PCDHGA11: variants seen among roughly 807,000 people sequenced by gnomAD.
PCDHGA11 encodes protocadherin gamma subfamily A, 11.
In PCDHGA11, 39 loss-of-function variants were observed where a neutral mutation model predicts 60.4. That is an observed-to-expected ratio of 0.65 (90% CI 0.50 to 0.84). PCDHGA11 has a LOEUF of 0.84. Among genes scored for constraint, PCDHGA11 ranks in the 40% least tolerant of loss-of-function variants. The pLI, the probability that PCDHGA11 is intolerant of heterozygous loss-of-function variation, is 0.00. For missense variants in PCDHGA11, 1,165 were observed against 1,197.7 expected (o/e 0.97, Z 0.40); for synonymous variants, 533 against 510.3 (o/e 1.04, Z -0.60).
Position 141,486,998 on chromosome 5 carries a change from C to T in PCDHGA11, c.2434-7809C>T. 1.2e-6 allele frequency: 2 copies of T among 1,614,206 alleles called. No individual in the cohort carries two copies. Among genetic ancestry groups the T allele is most frequent in the Non-Finnish European group, 1.7e-6 (2 of 1,180,034 alleles). On this transcript the variant is annotated intron_variant, in intron 1 of 3. Transcript: ENST00000398587. The surrounding 1 kb of genome is among the most constrained non-coding windows in gnomAD (Gnocchi z 5.0). The stretch of plus-strand genomic sequence containing the variant: ...AGGTTACAATGCTTGGGTTTCCTAT[C>T]AGCTCCTGGAGGCCCCAGATCCCAG...
chr5:141,489,491 T>C lies in PCDHGA11; in HGVS notation c.2434-5316T>C. On this transcript the variant is annotated intron_variant, in intron 1 of 3. Transcript: ENST00000398587. This position sits in a 1 kb window ranked among gnomAD's most constrained non-coding sequence, Gnocchi z 4.5. ...TCCCTGAGCTTGATGAGTGGTGCCC[T>C]GGCAGTGAATCAAAAGATTGACCGA... The C allele has an allele frequency of 6.2e-7, 1 of 1,614,066 alleles. No individual in the cohort carries two copies. The highest frequency in any genetic ancestry group is 8.5e-7 in the Non-Finnish European group (1 of 1,180,024).
At chr5:141,468,425 T>TA (rs2099167168) in intron 1 of PCDHGA11, 1 of 151,612 alleles carries the variant, frequency 6.6e-6, no homozygotes, top group Non-Finnish European at 1.5e-5. Context: ...GATAGCAAGG[T>TA]AATAGCAAAA....
At position 141,491,423 on chromosome 5, in the gene PCDHGA11, G is replaced by A; in HGVS notation, c.2434-3384G>A. The A allele has an allele frequency of 3.1e-6, 5 of 1,614,126 alleles. No homozygotes were observed. Among genetic ancestry groups the A allele is most frequent in the Non-Finnish European group, 4.2e-6 (5 of 1,180,036 alleles). ...AACGCAGACGGGGACGGGGGTGGAGGGCAGTGCTGCAGGCGCCAGGACTCA... is the reference window on the plus strand; with the variant it reads ...AACGCAGACGGGGACGGGGGTGGAGAGCAGTGCTGCAGGCGCCAGGACTCA... On this transcript the variant is annotated intron_variant, in intron 1 of 3. Transcript: ENST00000398587. The surrounding 1 kb of genome is among the most constrained non-coding windows in gnomAD (Gnocchi z 6.9).
chr5:141,490,736 A>G lies in PCDHGA11; in HGVS notation c.2434-4071A>G, dbSNP rs747567176. The G allele has an allele frequency of 5.0e-6, 8 of 1,614,084 alleles. No individual in the cohort carries two copies. Among genetic ancestry groups the G allele is most frequent in the Non-Finnish European group, 6.8e-6 (8 of 1,180,034 alleles). On this transcript the variant is annotated intron_variant, in intron 1 of 3. Transcript: ENST00000398587. This position sits in a 1 kb window ranked among gnomAD's most constrained non-coding sequence, Gnocchi z 5.4. The stretch of plus-strand genomic sequence containing the variant: ...TACTCCATTGTAGGAAATCAGGTTC[A>G]GGGAGCCCCAGCCTCCTCCTTTGTG...
chr5:141,426,865 T>G (rs2096965950), intron 1 of PCDHGA11: 1 of 456,600 alleles, frequency 2.2e-6, no homozygotes, highest in African/African-American at 2.0e-5. Flanking sequence ...GAATTAGTGC[T>G]GGAGAAGCCC....
At chr5:141,424,092 C>G (rs1160250641) in intron 1 of PCDHGA11, 2 of 879,256 alleles carry the variant, frequency 2.3e-6, no homozygotes, top group Non-Finnish European at 2.8e-6. Context: ...CCATTATTTG[C>G]TATTACTGCT....
At chr5:141,459,149 T>C (rs2098961903) in intron 1 of PCDHGA11, among the ~76,000 whole-genome samples, 1 of 152,234 alleles carries the variant, frequency 6.6e-6, no homozygotes, top group Non-Finnish European at 1.5e-5. Context: ...AATCAAAATA[T>C]AGAACATTTC....
intron 1 of PCDHGA11, chr5:141,427,017 TAC>T (rs764268354): frequency 2.2e-5 from 10 of 456,792 alleles, no homozygotes; most frequent in South Asian, 1.4e-4. Context: ...CCAGGATGTA[TAC>T]AAAGTCAGCC....
At chr5:141,475,983 C>T in intron 1 of PCDHGA11, 2 of 1,049,240 alleles carry the variant, frequency 1.9e-6, no homozygotes, top group Non-Finnish European at 2.8e-6. Context: ...GAACAGCCGG[C>T]GAGCAAATCA....
rs771340929 is a variant in PCDHGA11, at chr5:141,423,296, T to G, written c.2069T>G (p.Leu690Arg). Residue 690 changes from leucine to arginine, a missense_variant, in exon 1 of 4, where the codon CTC becomes CGC. By Grantham distance (102) the Leu-to-Arg change is moderately radical. Transcript: ENST00000398587. ...ESLANSETSDLSLYLVVAVAA... is the reference protein window; with the variant it reads ...ESLANSETSDRSLYLVVAVAA... Reference sequence around the variant, plus strand: ...CTGGCTAACTCTGAAACCTCAGACCTCTCGCTGTACTTGGTGGTGGCGGTG... The same window carrying G: ...CTGGCTAACTCTGAAACCTCAGACCGCTCGCTGTACTTGGTGGTGGCGGTG... 1 of 1,614,124 alleles carries G rather than the reference T, an allele frequency of 6.2e-7. No individual in the cohort carries two copies. Among genetic ancestry groups the G allele is most frequent in the Non-Finnish European group, 8.5e-7 (1 of 1,180,018 alleles).
rs188338684 is a variant in PCDHGA11, at chr5:141,431,953, C to T, written c.2433+8293C>T. ...TGCCCTTTAAATTAGAAAAATCTTA[C>T]GGAAATTACTATAGTTTAGTCACAG... On this transcript the variant is annotated intron_variant, in intron 1 of 3. Transcript: ENST00000398587. The surrounding 1 kb of genome is among the most constrained non-coding windows in gnomAD (Gnocchi z 4.8). 2.4e-5 allele frequency: 38 copies of T among 1,614,082 alleles called. No homozygotes were observed. In the East Asian group the frequency reaches 7.6e-4, roughly 32 times the overall value.
intron 2 of PCDHGA11, among the ~76,000 whole-genome samples, chr5:141,496,334 G>T (rs959266723): frequency 2.6e-5 from 4 of 152,240 alleles, no homozygotes; most frequent in Admixed American, 6.5e-5. Context: ...GAAGTCAGGA[G>T]CCTGGAGGAG....
intron 3 of PCDHGA11, 133 bp downstream of exon 3, chr5:141,505,614 AC>A: frequency 6.6e-7 from 1 of 1,510,758 alleles, no homozygotes; most frequent in Non-Finnish European, 8.9e-7. Flanking sequence ...GTCTGAAAGG[AC>A]CCACAATTCC....
At position 141,476,752 on chromosome 5, in the gene PCDHGA11, A is replaced by C. The variant is rs771355583; in HGVS notation, c.2434-18055A>C. The C allele has an allele frequency of 6.2e-7, 1 of 1,613,926 alleles. No homozygotes were observed. The highest frequency in any genetic ancestry group is 1.1e-5 in the South Asian group (1 of 91,080). Reference sequence around the variant, plus strand: ...GAGAACGGGAGCCTAGTCTCCAGTTAGTGCTGACGGCGTTGGACGGAGGGA... The same window carrying C: ...GAGAACGGGAGCCTAGTCTCCAGTTCGTGCTGACGGCGTTGGACGGAGGGA... On this transcript the variant is annotated intron_variant, in intron 1 of 3. Transcript: ENST00000398587. The surrounding 1 kb of genome is among the most constrained non-coding windows in gnomAD (Gnocchi z 7.6).
At chr5:141,461,507 T>C (rs1271911872) in intron 1 of PCDHGA11, among the ~76,000 whole-genome samples, 1 of 152,316 alleles carries the variant, frequency 6.6e-6, no homozygotes, top group East Asian at 1.9e-4. Context: ...TTCTTGGTGA[T>C]TTGTTAGTTC....
chr5:141,493,289 C>A lies in PCDHGA11; in HGVS notation c.2434-1518C>A, dbSNP rs925045650. On this transcript the variant is annotated intron_variant, in intron 1 of 3. Coordinates refer to ENST00000398587, the MANE Select transcript of PCDHGA11 (RefSeq NM_018914.3). This position sits in a 1 kb window ranked among gnomAD's most constrained non-coding sequence, Gnocchi z 4.3. The stretch of plus-strand genomic sequence containing the variant: ...CTTCACAGAGGTCAAGTGACTTGCT[C>A]AAGTTCACAGAGCAAGTAAGAGAGA... 6.6e-6 allele frequency among the ~76,000 whole-genome samples: 1 copy of A among 152,176 alleles called. No individual in the cohort carries two copies. Among genetic ancestry groups the A allele is most frequent in the East Asian group, 1.9e-4 (1 of 5,194 alleles).
At chr5:141,448,924 G>A (rs1244728418) in intron 1 of PCDHGA11, among the ~76,000 whole-genome samples, 1 of 152,116 alleles carries the variant, frequency 6.6e-6, no homozygotes, top group East Asian at 1.9e-4. Flanking sequence ...CAGCCTGGGC[G>A]ACAGAGCAAG....
Position 141,489,767 on chromosome 5 carries a change from G to T in PCDHGA11, c.2434-5040G>T, listed in dbSNP as rs2099691977. On this transcript the variant is annotated intron_variant, in intron 1 of 3. Transcript: ENST00000398587. This position sits in a 1 kb window ranked among gnomAD's most constrained non-coding sequence, Gnocchi z 4.5. ...AGCTTTTACACTCTAAGCCCCAACA[G>T]CCACTTCTCTCTGAATGTGAAGACC... The T allele has an allele frequency of 6.2e-7, 1 of 1,614,028 alleles. No homozygotes were observed. Among genetic ancestry groups the T allele is most frequent in the African/African-American group, 1.3e-5 (1 of 74,938 alleles).
At chr5:141,481,879 A>G (rs1204365605) in intron 1 of PCDHGA11, among the ~76,000 whole-genome samples, 1 of 144,890 alleles carries the variant, frequency 6.9e-6, no homozygotes, top group Non-Finnish European at 1.5e-5. Context: ...GCGCCACTGC[A>G]CTCCAGCCTG....
Sources: gnomAD v4.1 joint callset for allele counts (sites outside exome capture counted in the v4.1 genomes callset) on GRCh38, gnomAD v4.1.1 for gene constraint, Gnocchi (gnomAD v3.1) non-coding constraint, MANE v1.5 for transcripts, NCBI Gene and HGNC (gene_info 2026-07-23, HGNC 2026-07-21) for gene names.